The following ABCB4 variants were observed in gnomAD, a reference collection of about 807,000 sequenced individuals.
ABCB4 encodes phosphatidylcholine translocator ABCB4.
A neutral mutation model predicts 145.7 loss-of-function variants in ABCB4; 76 were observed. The observed-to-expected ratio is 0.52, with a 90% CI of 0.43 to 0.63. ABCB4 has a LOEUF of 0.63. Among genes scored for constraint, ABCB4 ranks in the 30% least tolerant of loss-of-function variants. ABCB4 has a pLI of 0.00. For missense variants in ABCB4, 1,234 were observed against 1,553.1 expected, an observed-to-expected ratio of 0.79 and a Z score of 3.45; for synonymous variants, 517 against 566.8, an observed-to-expected ratio of 0.91 and a Z score of 1.25.
rs1809056334 is a variant in ABCB4 at position 87,417,409 on chromosome 7, G to A, written c.2585C>T (p.Ala862Val). 1 of 1,614,040 alleles carries A rather than the reference G, an allele frequency of 6.2e-7. No homozygotes were observed. Among genetic ancestry groups the A allele is most frequent in the Non-Finnish European group, 8.5e-7 (1 of 1,179,954 alleles). Residue 862 changes from alanine (A) to valine (V), a missense_variant, in exon 21 of 28, where the codon GCA (alanine) becomes GTA (valine). Transcript: ENST00000649586. ...YGWQLTLLLL[A>V]VVPIIAVSGI... ...TGACACAGCAATAATTGGAACAACT[G>A]CTAATAGCAATAGGGTTAACTGCCA...
chr7:87,396,529 A>G, the ABCB4 span, among the ~76,000 whole-genome samples: 1 of 152,196 alleles, frequency 6.6e-6, no homozygotes, highest in Admixed American at 6.6e-5. Flanking sequence ...GGGTTGGTAC[A>G]GTATAGAAAC....
At chr7:87,427,374 T>G (rs1809910505) in intron 15 of ABCB4, among the ~76,000 whole-genome samples, 1 of 152,128 alleles carries the variant, frequency 6.6e-6, no homozygotes, top group Admixed American at 6.6e-5. Flanking sequence ...CTCGACTGGC[T>G]GAGTATGGTC....
intron 12 of ABCB4, among the ~76,000 whole-genome samples, chr7:87,442,144 G>C (rs1346803224): frequency 6.6e-6 from 1 of 151,822 alleles, no homozygotes; most frequent in Non-Finnish European, 1.5e-5. Flanking sequence ...ATTCTCAATG[G>C]TTGGTATTTT....
At chr7:87,371,713 G>C in the ABCB4 span, among the ~76,000 whole-genome samples, 3 of 152,056 alleles carry the variant, frequency 2.0e-5, no homozygotes, top group African/African-American at 7.2e-5. Flanking sequence ...GGTGAGTGGG[G>C]GACACAGTGG....
At chr7:87,410,358 TG>T (rs1808527796) in intron 23 of ABCB4, among the ~76,000 whole-genome samples, 1 of 152,130 alleles carries the variant, frequency 6.6e-6, no homozygotes, top group Non-Finnish European at 1.5e-5. Flanking sequence ...ACCTAGGGGC[TG>T]GGATGAGAGG....
the ABCB4 span, chr7:87,392,455 A>C: frequency 2.5e-6 from 2 of 785,586 alleles, no homozygotes; most frequent in Non-Finnish European, 2.2e-6. Context: ...TCTTCCTAGA[A>C]ATCTTTCCTC....
In ABCB4 at chr7:87,451,664, TGGCCA is replaced by T; in HGVS notation, c.662_666del (p.Met221AsnfsTer20). 6.2e-7 allele frequency: 1 copy of T among 1,614,186 alleles called. No individual in the cohort carries two copies. The highest frequency in any genetic ancestry group is 8.5e-7 in the Non-Finnish European group (1 of 1,180,026). On this transcript the variant is annotated frameshift_variant, in exon 7 of 28. Coordinates refer to ENST00000649586, the MANE Select transcript of ABCB4 (RefSeq NM_000443.4). LOFTEE classifies it high-confidence loss of function. ...GCAGAGAGTCCTAGAATAGGGCTGA[TGGCCA>T]TTATCACAAGGGTGAGCTTCCATCC...
intron 27 of ABCB4, among the ~76,000 whole-genome samples, chr7:87,402,643 GCTTTA>G (rs768746736): frequency 6.6e-6 from 1 of 151,984 alleles, no homozygotes; most frequent in Non-Finnish European, 1.5e-5. Context: ...TCTTTTGAAT[GCTTTA>G]CTTTATAAAA....
intron 17 of ABCB4, among the ~76,000 whole-genome samples, chr7:87,423,419 A>C (rs1809585335): frequency 6.6e-6 from 1 of 152,176 alleles, no homozygotes; most frequent in Non-Finnish European, 1.5e-5. Flanking sequence ...TTACCTATAT[A>C]ATCTCTTAAT....
At chr7:87,436,471 C>T (rs996631414) in intron 14 of ABCB4, among the ~76,000 whole-genome samples, 7 of 152,062 alleles carry the variant, frequency 4.6e-5, no homozygotes, top group Non-Finnish European at 1.0e-4. Flanking sequence ...TCTAAGTAAA[C>T]TCACAAAGTC....
intron 21 of ABCB4, among the ~76,000 whole-genome samples, chr7:87,414,295 C>T (rs1808822971): frequency 6.6e-6 from 1 of 152,194 alleles, no homozygotes; most frequent in African/African-American, 2.4e-5. Context: ...GCCCTGGACA[C>T]AAGTTTGAAC....
At chr7:87,417,862 G>T (rs973231690) in intron 20 of ABCB4, among the ~76,000 whole-genome samples, 3 of 152,204 alleles carry the variant, frequency 2.0e-5, no homozygotes, top group African/African-American at 7.2e-5. Flanking sequence ...TAATTTTAAA[G>T]ACCATTTAAT....
In ABCB4 at chr7:87,411,984, G is replaced by A. The variant is rs886042562; in HGVS notation, c.2833C>T (p.Gln945Ter). The A allele has an allele frequency of 3.7e-6, 6 of 1,613,780 alleles. No homozygotes were observed. Among genetic ancestry groups the A allele is most frequent in the Non-Finnish European group, 5.1e-6 (6 of 1,179,836 alleles). ...HIYGITFSISQAFMYFSYAGC... is the reference protein window; with the variant it reads ...HIYGITFSIS Reference sequence around the variant, plus strand: ...GCATAGGAAAAATACATAAATGCTTGTGAGATACTAAAAGTAATTCCATAG... The same window carrying A: ...GCATAGGAAAAATACATAAATGCTTATGAGATACTAAAAGTAATTCCATAG... The change falls in exon 23 of 28, where the codon CAA becomes TAA. Residue 945 changes from glutamine (Q) to a stop codon, truncating the protein, a stop_gained. Transcript: ENST00000649586. LOFTEE classifies it high-confidence loss of function.
At chr7:87,398,870 T>G (rs1807647134), downstream of ABCB4, 6 of 515,350 alleles carry the variant, frequency 1.2e-5, no homozygotes, top group Non-Finnish European at 2.1e-5. Flanking sequence ...CAATGCAAAT[T>G]ATGACATAGT....
intron 14 of ABCB4, among the ~76,000 whole-genome samples, chr7:87,439,315 T>C (rs1319377109): frequency 1.3e-5 from 2 of 152,220 alleles, no homozygotes; most frequent in Non-Finnish European, 2.9e-5. Flanking sequence ...TGAATTAGTT[T>C]TCAGCTGGAC....
intron 15 of ABCB4, among the ~76,000 whole-genome samples, 173 bp from the exon 16 acceptor site, chr7:87,427,093 T>C (rs1809886204): frequency 6.6e-6 from 1 of 152,068 alleles, no homozygotes; most frequent in Admixed American, 6.6e-5. Context: ...GCTAGAAAAC[T>C]ATAAAGTATA....
intron 4 of ABCB4, among the ~76,000 whole-genome samples, chr7:87,461,711 T>C (rs1192120758): frequency 6.6e-6 from 1 of 152,220 alleles, no homozygotes; most frequent in Non-Finnish European, 1.5e-5. Flanking sequence ...ATTCAAAGGA[T>C]GCTTTTACTG....
At position 87,453,058 on chromosome 7, in the gene ABCB4, G is replaced by A. The variant is rs1811860363; in HGVS notation, c.422C>T (p.Ala141Val). 1.2e-6 allele frequency: 2 copies of A among 1,613,928 alleles called. No homozygotes were observed. Among genetic ancestry groups the A allele is most frequent in the African/African-American group, 2.7e-5 (2 of 74,896 alleles). ...AYIQVSFWTL[A>V]AGRQIRKIRQ... ...AATTTTCCTGATCTGTCGACCAGCT[G>A]CCAAAGTCCAAAATGAAACTTGTAT... Residue 141 changes from alanine to valine, a missense_variant, in exon 6 of 28, where the codon GCA becomes GTA. By Grantham distance (64) the Ala-to-Val change is moderately conservative. This residue lies in a region of ABCB4 where 467 missense variants were observed against 632.8 expected (regional missense o/e 0.74). Transcript: ENST00000649586.
At chr7:87,421,797 C>T (rs1287894421) in intron 18 of ABCB4, among the ~76,000 whole-genome samples, 2 of 152,186 alleles carry the variant, frequency 1.3e-5, no homozygotes, top group African/African-American at 2.4e-5. Context: ...TAAAGAGTAA[C>T]AACAGAAAAG....
Sources: allele counts gnomAD v4.1 joint callset (sites outside exome capture counted in the v4.1 genomes callset), GRCh38; gene constraint gnomAD v4.1.1; regional missense constraint gnomAD v4.1.1; transcripts MANE v1.5; gene names NCBI Gene and HGNC (gene_info 2026-07-23, HGNC 2026-07-21).